The following NBN variants were observed in gnomAD, a reference collection of about 807,000 sequenced individuals.
The protein encoded by NBN is nibrin, also known as Nijmegen breakage syndrome 1 (nibrin).
NBN carries 88 observed loss-of-function variants against 90.8 expected under a neutral mutation model. The observed-to-expected ratio is 0.97, with a 90% CI of 0.82 to 1.16. NBN has a LOEUF of 1.16. Among genes scored for constraint, NBN ranks in the 50% most tolerant of loss-of-function variants. NBN has a pLI of 0.00. For synonymous variants in NBN, 328 were observed against 295.1 expected, an observed-to-expected ratio of 1.11 and a Z score of -1.14; for missense variants, 894 against 869.6, an observed-to-expected ratio of 1.03 and a Z score of -0.35.
chr8:89,964,649 T>C, intron 7 of NBN, 142 bp from the exon 8 acceptor site: 2 of 784,352 alleles, frequency 2.5e-6, no homozygotes, highest in Non-Finnish European at 4.0e-6. Context: ...CAGAGTACTA[T>C]AATAGCTTAC....
intron 1 of NBN, among the ~76,000 whole-genome samples, chr8:89,983,686 G>C (rs1260924606): frequency 6.6e-6 from 1 of 152,148 alleles, no homozygotes; most frequent in East Asian, 1.9e-4. Flanking sequence ...TAAGTTGTTG[G>C]AGTAACAGTA....
intron 5 of NBN, among the ~76,000 whole-genome samples, chr8:89,975,972 T>C (rs916397360): frequency 6.6e-6 from 1 of 152,190 alleles, no homozygotes; most frequent in Middle Eastern, 3.2e-3. Flanking sequence ...AGTTTGTAGT[T>C]ATGTCGGTGA....
chr8:89,981,453 TC>T lies in NBN; in HGVS notation c.241del (p.Glu81LysfsTer11), dbSNP rs769239902. The T allele has an allele frequency of 6.2e-7, 1 of 1,614,090 alleles. No individual in the cohort carries two copies. The highest frequency in any genetic ancestry group is 1.1e-5 in the South Asian group (1 of 91,084). ...TCGGGAAAAGCCATTCTGCATTTTTTCCTCATTAACAAAGGTACCATACTTA... is the reference window on the plus strand; with the variant it reads ...TCGGGAAAAGCCATTCTGCATTTTTTCTCATTAACAAAGGTACCATACTTA... ...NSKYGTFVNE[E>X]KMQNGFSRTL... On this transcript the variant is annotated frameshift_variant, in exon 3 of 16. Coordinates refer to ENST00000265433, the MANE Select transcript of NBN (RefSeq NM_002485.5). LOFTEE classifies it high-confidence loss of function.
intron 9 of NBN, among the ~76,000 whole-genome samples, chr8:89,957,786 G>A (rs1484373114): frequency 6.6e-6 from 1 of 152,136 alleles, no homozygotes; most frequent in East Asian, 1.9e-4. Flanking sequence ...TAGCCTAGGA[G>A]AAATAGTCTA....
chr8:89,973,449 T>C (rs375207200), intron 5 of NBN, among the ~76,000 whole-genome samples: 9 of 152,322 alleles, frequency 5.9e-5, no homozygotes, highest in African/African-American at 2.2e-4. Flanking sequence ...AAAACTGTAT[T>C]ATCTAGAAGC....
In NBN at chr8:89,966,805, T is replaced by C. The variant is rs146082639; in HGVS notation, c.897-2298A>G. On this transcript the variant is annotated intron_variant, in intron 7 of 15. Transcript: ENST00000265433. Reference sequence around the variant, plus strand: ...ATGGAAGTTATACTAATTAAGACAATGTGGTATTGGTACAAAGAAAGGCAG... The same window carrying C: ...ATGGAAGTTATACTAATTAAGACAACGTGGTATTGGTACAAAGAAAGGCAG... Among the ~76,000 whole-genome samples, 1,066 of 152,222 alleles carry C rather than the reference T, an allele frequency of 7.0e-3. 12 individuals carry two copies. The highest frequency in any genetic ancestry group is 0.025 in the African/African-American group (1,027 of 41,530).
At chr8:89,978,558 C>T (rs1055120674) in intron 4 of NBN, among the ~76,000 whole-genome samples, 1 of 151,972 alleles carries the variant, frequency 6.6e-6, no homozygotes, top group African/African-American at 2.4e-5. Flanking sequence ...AAGAAGTCAC[C>T]GATTATAATA....
chr8:89,945,714 A>C (rs563954070), intron 13 of NBN, among the ~76,000 whole-genome samples: 1 of 152,282 alleles, frequency 6.6e-6, no homozygotes, highest in African/African-American at 2.4e-5. Context: ...ATATATATTT[A>C]TATTGTGTTT....
At chr8:89,947,678 A>G in intron 12 of NBN, 146 bp downstream of exon 12, 1 of 466,090 alleles carries the variant, frequency 2.1e-6, no homozygotes, top group South Asian at 3.8e-5. Context: ...TAATAATACC[A>G]TGATCAATCC....
chr8:89,955,626 G>A lies in NBN; in HGVS notation c.1125-71C>T, dbSNP rs574576649. ...CAACTTTAATAGAGAAACAAAGATCGTTAAATAGTTCTAACGTAATATAAC... is the reference window on the plus strand; with the variant it reads ...CAACTTTAATAGAGAAACAAAGATCATTAAATAGTTCTAACGTAATATAAC... On this transcript the variant is annotated intron_variant, in intron 9 of 15. Transcript: ENST00000265433. The A allele has an allele frequency of 1.1e-5, 16 of 1,482,906 alleles. No individual in the cohort carries two copies. The Admixed American group carries it at 2.1e-4, about 19-fold the overall frequency. 91.9% of individuals were successfully genotyped at this position (1,482,906 alleles called of 1,614,324 possible).
At chr8:89,978,841 A>C (rs1811902933) in intron 4 of NBN, among the ~76,000 whole-genome samples, 1 of 152,214 alleles carries the variant, frequency 6.6e-6, no homozygotes, top group Non-Finnish European at 1.5e-5. Context: ...AAATAAGTAC[A>C]TATAAAGTGG....
rs139084367 is a variant in NBN at position 89,953,894 on chromosome 8, C to T, written c.1398-203G>A. Among the ~76,000 whole-genome samples, 834 of 152,212 alleles carry T rather than the reference C, an allele frequency of 5.5e-3. 3 individuals are homozygous for T. The highest frequency in any genetic ancestry group is 8.8e-3 in the Non-Finnish European group (601 of 67,966). On this transcript the variant is annotated intron_variant, in intron 10 of 15. Transcript: ENST00000265433. ...CATTCTGCTGTTTTGATAGAACTGACGGACCCTGTGGCTAAAGCAGTACGG... is the reference window on the plus strand; with the variant it reads ...CATTCTGCTGTTTTGATAGAACTGATGGACCCTGTGGCTAAAGCAGTACGG...
rs751665508 is a variant in NBN, at chr8:89,947,904, A to G, written c.1846-12T>C. The stretch of plus-strand genomic sequence containing the variant: ...ATTTCATTTTCTTGCTAAAGAAATA[A>G]AATAAAAAATACTGTTCATAGGAGT... On this transcript the variant is annotated splice_polypyrimidine_tract_variant and intron_variant, in intron 11 of 15. Coordinates refer to ENST00000265433, the MANE Select transcript of NBN (RefSeq NM_002485.5). 6.7e-7 allele frequency: 1 copy of G among 1,487,108 alleles called. No individual in the cohort carries two copies. 92.1% of individuals were successfully genotyped at this position (1,487,108 alleles called of 1,614,324 possible). A position where few individuals can be genotyped will look rare whatever the true frequency, so the allele number is the denominator to read the frequency against.
chr8:89,968,715 T>G (rs1375421138), intron 7 of NBN, among the ~76,000 whole-genome samples: 1 of 152,168 alleles, frequency 6.6e-6, no homozygotes, highest in Non-Finnish European at 1.5e-5. Context: ...AGAATAAGCT[T>G]CTTCCCCACT....
chr8:89,936,158 C>A (rs577038390), intron 15 of NBN: 1 of 332,644 alleles, frequency 3.0e-6, no homozygotes, highest in Admixed American at 4.3e-5. Flanking sequence ...GCTCACGCAG[C>A]CTCCGCCTCC....
intron 10 of NBN, 47 bp downstream of exon 10, chr8:89,955,236 C>G: frequency 6.4e-7 from 1 of 1,565,952 alleles, no homozygotes; most frequent in Non-Finnish European, 8.8e-7. Context: ...GTATAAAAAA[C>G]TTTCATTTTT....
At chr8:89,945,142 A>G (rs1810130578) in intron 13 of NBN, among the ~76,000 whole-genome samples, 1 of 152,196 alleles carries the variant, frequency 6.6e-6, no homozygotes, top group Admixed American at 6.5e-5. Context: ...AAAACTATAA[A>G]AAAAGTCTTT....
In NBN at chr8:89,947,872, C is replaced by G. The variant is rs587782221; in HGVS notation, c.1866G>C (p.Lys622Asn). The G allele has an allele frequency of 6.3e-7, 1 of 1,574,806 alleles. No individual in the cohort carries two copies. Among genetic ancestry groups the G allele is most frequent in the Non-Finnish European group, 8.7e-7 (1 of 1,149,692 alleles). The change falls in exon 12 of 16, where the codon AAG becomes AAC. Residue 622 changes from lysine (K) to asparagine (N), a missense_variant. Lys to Asn is a moderately conservative substitution (Grantham distance 94, BLOSUM62 0). Coordinates refer to ENST00000265433, the MANE Select transcript of NBN (RefSeq NM_002485.5). ...SKISQENEIG[K>N]KRELKEDSLW... ...GTGAGTCTTCCTTGAGTTCACGTTT[C>G]TTCCCAATTTCATTTTCTTGCTAAA...
intron 1 of NBN, chr8:89,984,179 G>A (rs929334533): frequency 6.9e-6 from 3 of 431,926 alleles, no homozygotes; most frequent in East Asian, 8.5e-5. Flanking sequence ...CCTGCCGGGG[G>A]TTCCCACTAG....
Sources: gnomAD v4.1 joint callset for allele counts (sites outside exome capture counted in the v4.1 genomes callset) on GRCh38, gnomAD v4.1.1 for gene constraint, MANE v1.5 for transcripts, NCBI Gene and HGNC (gene_info 2026-07-23, HGNC 2026-07-21) for gene names.